PTPRR: variants seen among roughly 807,000 people sequenced by gnomAD.
PTPRR encodes protein tyrosine phosphatase receptor type R, also known as receptor-type tyrosine-protein phosphatase R.
Under a neutral mutation model 77.2 loss-of-function variants are expected in PTPRR, and 38 were observed. The ratio of observed to expected loss-of-function variants is 0.49; its 90% CI spans 0.38 to 0.65. The LOEUF (loss-of-function observed/expected upper bound fraction) is 0.65. PTPRR is among the 30% of genes least tolerant of loss of function. The probability of loss-of-function intolerance (pLI) is 0.00; values close to 1 mark genes in which losing one functional copy is unlikely to be tolerated. For missense variants in PTPRR, 744 were observed against 799.2 expected (o/e 0.93, Z 0.83); for synonymous variants, 299 against 283.1 (o/e 1.06, Z -0.57).
intron 2 of PTPRR, among the ~76,000 whole-genome samples, chr12:70,769,286 T>C (rs1279992908): frequency 6.6e-6 from 1 of 151,046 alleles, no homozygotes; most frequent in Non-Finnish European, 1.5e-5. Context: ...AAAATCTCCT[T>C]AAGCTGATAA....
chr12:70,875,174 G>A (rs1248703906), intron 2 of PTPRR, among the ~76,000 whole-genome samples: 2 of 152,060 alleles, frequency 1.3e-5, no homozygotes, highest in Non-Finnish European at 2.9e-5. Context: ...TGACCATTGA[G>A]TAGGAAAGTT....
intron 2 of PTPRR, among the ~76,000 whole-genome samples, chr12:70,834,654 C>T (rs572414624): frequency 1.3e-5 from 2 of 152,102 alleles, no homozygotes; most frequent in African/African-American, 2.4e-5. Context: ...TAGAATCATG[C>T]CTAGGACACA....
intron 10 of PTPRR, among the ~76,000 whole-genome samples, chr12:70,671,373 GA>G (rs1566057748): frequency 1.3e-5 from 2 of 151,860 alleles, no homozygotes; most frequent in African/African-American, 4.8e-5. Context: ...TGGCTGTAGG[GA>G]AAAAAAGCAC....
At chr12:70,836,306 G>GTTTTTT (rs5799004) in intron 2 of PTPRR, among the ~76,000 whole-genome samples, 1 of 141,178 alleles carries the variant, frequency 7.1e-6, no homozygotes. Context: ...CAAGACATGT[G>GTTTTTT]TTTTTTTTTT....
chr12:70,685,130 C>G (rs569543811), intron 8 of PTPRR, among the ~76,000 whole-genome samples: 87 of 152,312 alleles, frequency 5.7e-4, no homozygotes, highest in African/African-American at 1.8e-3. Context: ...TCTCTCCTTT[C>G]CCTATGGAGG....
chr12:70,822,777 G>A (rs2137042219), intron 2 of PTPRR, among the ~76,000 whole-genome samples: 1 of 152,270 alleles, frequency 6.6e-6, no homozygotes, highest in South Asian at 2.1e-4. Context: ...CCTGTAGAAA[G>A]TTGCCGCTAT....
intron 2 of PTPRR, among the ~76,000 whole-genome samples, chr12:70,825,638 C>G (rs1034440037): frequency 6.6e-6 from 1 of 152,214 alleles, no homozygotes; most frequent in Admixed American, 6.5e-5. Context: ...ATTACTCTCC[C>G]ACTCATTCCT....
At chr12:70,843,256 TA>T (rs1892427129) in intron 2 of PTPRR, among the ~76,000 whole-genome samples, 1 of 152,234 alleles carries the variant, frequency 6.6e-6, no homozygotes, top group African/African-American at 2.4e-5. Context: ...TGTTAGTCTT[TA>T]TGCTCTCTGG....
intron 7 of PTPRR, among the ~76,000 whole-genome samples, chr12:70,699,422 A>G (rs1226088188): frequency 6.6e-6 from 1 of 152,104 alleles, no homozygotes. Context: ...GGCTTGTTCT[A>G]CAGAGAGAAA....
chr12:70,726,957 G>T (rs566320786), intron 6 of PTPRR, among the ~76,000 whole-genome samples: 1 of 151,816 alleles, frequency 6.6e-6, no homozygotes, highest in Non-Finnish European at 1.5e-5. Flanking sequence ...GTATATTTAC[G>T]CAGGGGATGG....
intron 2 of PTPRR, chr12:70,788,852 A>G: frequency 6.6e-7 from 1 of 1,524,958 alleles, no homozygotes; most frequent in African/African-American, 1.4e-5. Flanking sequence ...GATGAAGTCG[A>G]CTTCCATTTG....
At chr12:70,918,088 A>G (rs1227396192) in intron 1 of PTPRR, among the ~76,000 whole-genome samples, 1 of 152,204 alleles carries the variant, frequency 6.6e-6, no homozygotes, top group Non-Finnish European at 1.5e-5. Context: ...TTGTCATCCC[A>G]TCCACTTATT....
intron 5 of PTPRR, among the ~76,000 whole-genome samples, chr12:70,749,325 G>A (rs899672235): frequency 6.6e-6 from 1 of 152,078 alleles, no homozygotes; most frequent in African/African-American, 2.4e-5. Context: ...TCTTGGTCAA[G>A]TCATTTATTT....
chr12:70,881,159 T>C (rs975540612), intron 2 of PTPRR, among the ~76,000 whole-genome samples: 3 of 152,152 alleles, frequency 2.0e-5, no homozygotes, highest in African/African-American at 4.8e-5. Context: ...TCAAGTCACA[T>C]AGAAACAACA....
At chr12:70,682,204 C>T (rs1432885071) in intron 10 of PTPRR, among the ~76,000 whole-genome samples, 5 of 150,978 alleles carry the variant, frequency 3.3e-5, no homozygotes, top group African/African-American at 7.3e-5. Context: ...CCACCACGCC[C>T]GGCTAATTTT....
chr12:70,681,464 G>T (rs1197535844), intron 10 of PTPRR, among the ~76,000 whole-genome samples: 1 of 152,154 alleles, frequency 6.6e-6, no homozygotes, highest in African/African-American at 2.4e-5. Context: ...GGGGCTGCTG[G>T]GGCCTCTTGC....
chr12:70,772,116 A>C (rs1469016130), intron 2 of PTPRR, among the ~76,000 whole-genome samples: 1 of 152,194 alleles, frequency 6.6e-6, no homozygotes, highest in Non-Finnish European at 1.5e-5. Flanking sequence ...GTATTTTCAA[A>C]AATGCATCAT....
At position 70,920,566 on chromosome 12, in the gene PTPRR, C is replaced by T. The variant is rs533294496; in HGVS notation, c.-176G>A. The T allele has an allele frequency of 4.1e-4, 246 of 601,724 alleles. No homozygotes were observed. The highest frequency in any genetic ancestry group is 5.6e-4 in the Non-Finnish European group (189 of 335,134). 37.3% of individuals were successfully genotyped at this position (601,724 alleles called of 1,614,324 possible). A position where few individuals can be genotyped will look rare whatever the true frequency, so the allele number is the denominator to read the frequency against. Reference sequence around the variant, plus strand: ...CAGAAACCAGCACCAGCTTCAACCTCCCTAAGAGAGGGAGAGAGGAAGAGC... The same window carrying T: ...CAGAAACCAGCACCAGCTTCAACCTTCCTAAGAGAGGGAGAGAGGAAGAGC... On this transcript the variant is annotated 5_prime_UTR_variant, in exon 1 of 14. Coordinates refer to ENST00000283228, the MANE Select transcript of PTPRR (RefSeq NM_002849.4).
intron 13 of PTPRR, among the ~76,000 whole-genome samples, chr12:70,652,605 G>A (rs960582395): frequency 2.0e-5 from 3 of 152,168 alleles, no homozygotes; most frequent in African/African-American, 7.2e-5. Context: ...GGGGTTGGGT[G>A]CCTATAGGCT....
Sources: allele counts gnomAD v4.1 joint callset (sites outside exome capture counted in the v4.1 genomes callset), GRCh38; gene constraint gnomAD v4.1.1; transcripts MANE v1.5; gene names NCBI Gene and HGNC (gene_info 2026-07-23, HGNC 2026-07-21).